Variants in SYMPK observed in about 807,000 individuals in gnomAD.
The protein encoded by SYMPK is symplekin scaffold protein.
SYMPK carries 49 observed loss-of-function variants against 136.4 expected under a neutral mutation model. The observed-to-expected ratio is 0.36, with a 90% CI of 0.29 to 0.46. SYMPK has a LOEUF of 0.46. Among genes scored for constraint, SYMPK ranks in the 20% least tolerant of loss-of-function variants. SYMPK has a pLI of 1.00. For synonymous variants in SYMPK, 766 were observed against 713.0 expected, an observed-to-expected ratio of 1.07 and a Z score of -1.19; for missense variants, 1,365 against 1,690.0, an observed-to-expected ratio of 0.81 and a Z score of 3.37.
chr19:45,816,074 T>G lies in SYMPK; in HGVS notation c.3464A>C (p.Glu1155Ala), dbSNP rs962119819. The G allele has an allele frequency of 1.3e-6, 2 of 1,559,606 alleles. No individual in the cohort carries two copies. Among genetic ancestry groups the G allele is most frequent in the Non-Finnish European group, 8.7e-7 (1 of 1,151,858 alleles). Reference sequence around the variant, plus strand: ...TCCTCCCGGCTTCAGCTTCTGTTCCTCCTCCAGCTGCCGCTTTAAGGCCTT... The same window carrying G: ...TCCTCCCGGCTTCAGCTTCTGTTCCGCCTCCAGCTGCCGCTTTAAGGCCTT... ...QEKALKRQLE[E>A]EQKLKPGGVG... The change falls in exon 26 of 27, where the codon GAG becomes GCG. Residue 1155 changes from glutamate (E) to alanine (A), a missense_variant. Coordinates refer to ENST00000245934, the MANE Select transcript of SYMPK (RefSeq NM_004819.3).
chr19:45,825,964 C>A (rs1318492381), intron 17 of SYMPK, among the ~76,000 whole-genome samples: 1 of 152,194 alleles, frequency 6.6e-6, no homozygotes, highest in African/African-American at 2.4e-5. Context: ...CTGAGGGAAC[C>A]TGCCTGAGAT....
At chr19:45,857,839 C>G (rs565247656) in intron 1 of SYMPK, among the ~76,000 whole-genome samples, 2 of 147,356 alleles carry the variant, frequency 1.4e-5, no homozygotes, top group African/African-American at 2.5e-5. Context: ...ACTCTTGTTT[C>G]CCAGGCTGGA....
intron 8 of SYMPK, chr19:45,842,698 G>C: frequency 1.7e-6 from 1 of 598,104 alleles, no homozygotes; most frequent in Non-Finnish European, 2.8e-6. Flanking sequence ...ATCTTAAAGA[G>C]AAAAACTCAC....
chr19:45,818,183 C>A (rs1251762772), intron 22 of SYMPK, 37 bp from the exon 23 acceptor site: 4 of 1,493,734 alleles, frequency 2.7e-6, no homozygotes. Flanking sequence ...TCCTCTCTGC[C>A]CAGCTGCCCC....
chr19:45,823,345 G>T (rs1226531822), intron 20 of SYMPK, 27 bp downstream of exon 20: 5 of 1,609,454 alleles, frequency 3.1e-6, no homozygotes, highest in South Asian at 1.1e-5. Flanking sequence ...CCAGGTAGCA[G>T]GGACAAACAG....
rs759967222 is a variant in SYMPK at position 45,825,288 on chromosome 19, C to T, written c.2373G>A (p.Leu791=). ...PWTEETVKQC[L]YLYLALLPQN... ...GAGGCAGGAGGGCCAGGTAGAGGTA[C>T]AGACACTGCTTCACTGTCTCCTCCG... The change falls in exon 18 of 27, where the codon CTG becomes CTA. Residue 791 remains leucine (L), a synonymous_variant. Transcript: ENST00000245934. The T allele has an allele frequency of 1.2e-5, 19 of 1,614,174 alleles. No homozygotes were observed. The highest frequency in any genetic ancestry group is 1.6e-5 in the Non-Finnish European group (19 of 1,180,034).
intron 1 of SYMPK, among the ~76,000 whole-genome samples, chr19:45,857,302 C>T (rs920196651): frequency 7.8e-5 from 11 of 141,326 alleles, no homozygotes; most frequent in Non-Finnish European, 1.7e-4. Context: ...CCCAGCTACT[C>T]GGGAGGCTGA....
chr19:45,828,942 C>T (rs763641777), intron 14 of SYMPK, 28 bp downstream of exon 14: 1 of 1,603,462 alleles, frequency 6.2e-7, no homozygotes. Context: ...CTCTCGGGGA[C>T]AGGAGGGTGC....
intron 26 of SYMPK, 76 bp downstream of exon 26, chr19:45,815,775 G>A (rs1397366203): frequency 5.7e-6 from 9 of 1,584,550 alleles, no homozygotes; most frequent in Non-Finnish European, 7.7e-6. Flanking sequence ...CCTGCCCCCT[G>A]ATGGCCCCTC....
chr19:45,848,966 G>C (rs759407039), intron 5 of SYMPK, 90 bp from the exon 6 acceptor site: 229 of 1,518,754 alleles, frequency 1.5e-4, no homozygotes, highest in Non-Finnish European at 1.9e-4. Context: ...GGGAAATCAG[G>C]GACCTGTCTC....
intron 23 of SYMPK, among the ~76,000 whole-genome samples, chr19:45,817,415 C>CTTTT (rs1568605953): frequency 1.0e-5 from 1 of 100,170 alleles, no homozygotes; most frequent in African/African-American, 3.9e-5. Flanking sequence ...TTTTTTTGTT[C>CTTTT]TCTTTTTTTT....
In SYMPK at chr19:45,831,407, G is replaced by C; in HGVS notation, c.1575C>G (p.Pro525=). 1 of 1,586,548 alleles carries C rather than the reference G, an allele frequency of 6.3e-7. No homozygotes were observed. The stretch of plus-strand genomic sequence containing the variant: ...ACCGGGGCTGAGTGACAGGGATAAT[G>C]GGCTCTGGCCTCCTCTTGGCCTGCG... ...EAPQAKRRPE[P]IIPVTQPRLA... Residue 525 remains proline, a synonymous_variant, in exon 12 of 27, where the codon CCC becomes CCG. Coordinates refer to ENST00000245934, the MANE Select transcript of SYMPK (RefSeq NM_004819.3).
At chr19:45,842,982 A>T (rs1971477735) in intron 8 of SYMPK, 1 of 162,422 alleles carries the variant, frequency 6.2e-6, no homozygotes, top group Non-Finnish European at 1.3e-5. Flanking sequence ...CCAACAACAC[A>T]ACCCACTCTC....
intron 24 of SYMPK, 84 bp from the exon 25 acceptor site, chr19:45,816,661 C>G: frequency 2.5e-6 from 4 of 1,572,370 alleles, no homozygotes; most frequent in Non-Finnish European, 3.4e-6. Context: ...GGGGCCCTAA[C>G]CCTCCAGAAC....
intron 21 of SYMPK, among the ~76,000 whole-genome samples, chr19:45,822,062 G>A (rs982301961): frequency 2.6e-5 from 4 of 151,878 alleles, no homozygotes; most frequent in Non-Finnish European, 5.9e-5. Flanking sequence ...ACCAACCACT[G>A]GGGTAAGGGT....
intron 20 of SYMPK, 138 bp from the exon 21 acceptor site, chr19:45,822,984 A>G (rs1568609090): frequency 1.4e-6 from 1 of 704,418 alleles, no homozygotes; most frequent in Non-Finnish European, 2.5e-6. Flanking sequence ...CCCTCACCAC[A>G]CCCTCAGGGC....
chr19:45,817,417 C>CTTTTTTTTTTTTTTTT (rs559430104), intron 23 of SYMPK, among the ~76,000 whole-genome samples: 1 of 108,478 alleles, frequency 9.2e-6, no homozygotes, highest in Non-Finnish European at 1.9e-5. Flanking sequence ...TTTTTGTTCT[C>CTTTTTTTTTTTTTTTT]TTTTTTTTTT....
intron 19 of SYMPK, 108 bp downstream of exon 19, chr19:45,823,659 C>A: frequency 9.4e-7 from 1 of 1,066,920 alleles, no homozygotes; most frequent in East Asian, 2.5e-5. Flanking sequence ...AGGCACAGAC[C>A]CGCAAGAGGT....
In SYMPK at chr19:45,825,142, G is replaced by T. The variant is rs374881893; in HGVS notation, c.2490+29C>A. On this transcript the variant is annotated intron_variant, in intron 18 of 26. Transcript: ENST00000245934. ...GGGACACAGCCTTGCCCGTGGGTGG[G>T]CAGGGCCTGGTGGGCTCAGGGGCCT... 3.1e-6 allele frequency: 5 copies of T among 1,602,814 alleles called. No individual in the cohort carries two copies. The East Asian group carries it at 1.1e-4, about 36-fold the overall frequency.
Sources: allele counts gnomAD v4.1 joint callset (sites outside exome capture counted in the v4.1 genomes callset), GRCh38; gene constraint gnomAD v4.1.1; transcripts MANE v1.5; gene names NCBI Gene and HGNC (gene_info 2026-07-23, HGNC 2026-07-21).